Variants in UEVLD observed in about 807,000 individuals in gnomAD.
UEVLD encodes the protein ubiquitin-conjugating enzyme E2 variant 3.
UEVLD carries 47 observed loss-of-function variants against 58.6 expected under a neutral mutation model. The observed-to-expected ratio is 0.80, with a 90% CI of 0.63 to 1.02. UEVLD has a LOEUF of 1.02. UEVLD is among the 50% of genes least tolerant of loss of function. The pLI is 0.00. For synonymous variants in UEVLD, 197 were observed against 195.3 expected, an observed-to-expected ratio of 1.01 and a Z score of -0.07; for missense variants, 510 against 550.6, an observed-to-expected ratio of 0.93 and a Z score of 0.74.
intron 1 of UEVLD, among the ~76,000 whole-genome samples, chr11:18,585,055 ATTTTC>A (rs1853469885): frequency 6.6e-6 from 1 of 151,490 alleles, no homozygotes; most frequent in African/African-American, 2.4e-5. Flanking sequence ...ACTTTCTTTA[ATTTTC>A]TTTTTAAAAA....
intron 6 of UEVLD, among the ~76,000 whole-genome samples, chr11:18,560,137 A>AC (rs1851963304): frequency 2.5e-5 from 2 of 80,240 alleles, no homozygotes; most frequent in South Asian, 4.6e-4. Flanking sequence ...ACACACACAC[A>AC]CAGAGAGAGA....
intron 7 of UEVLD, among the ~76,000 whole-genome samples, chr11:18,552,926 C>T (rs533722981): frequency 1.1e-4 from 16 of 151,862 alleles, no homozygotes; most frequent in Non-Finnish European, 5.9e-5. Context: ...GAGGCCAAGG[C>T]GGGTGGATCA....
rs1850592096 is a variant in UEVLD at position 18,532,310 on chromosome 11, C to A, written c.*10G>T. The stretch of plus-strand genomic sequence containing the variant: ...GGTAGAAGTCCAGCCTCTCAAATTG[C>A]ATTTGAGAATCAAAGTTTTAACTGT... On this transcript the variant is annotated 3_prime_UTR_variant, in exon 12 of 12. Coordinates refer to ENST00000396197, the MANE Select transcript of UEVLD (RefSeq NM_001040697.4). 1 of 1,589,542 alleles carries A rather than the reference C, an allele frequency of 6.3e-7. No homozygotes were observed. The highest frequency in any genetic ancestry group is 1.2e-5 in the South Asian group (1 of 86,694).
intron 1 of UEVLD, among the ~76,000 whole-genome samples, chr11:18,583,538 G>A (rs1040065638): frequency 2.6e-5 from 4 of 151,940 alleles, no homozygotes; most frequent in African/African-American, 9.7e-5. Flanking sequence ...GATATTTCAA[G>A]AGTATTCTTA....
rs867172445 is a variant in UEVLD, at chr11:18,564,024, A to G, written c.612+868T>C. On this transcript the variant is annotated intron_variant, in intron 6 of 11. Transcript: ENST00000396197. ...CACCTAAAAAAAAAAAAAAAAAAAA[A>G]GAGGTGATAGTGTATTCAAATGGAG... 2,770 of 323,688 alleles carry G rather than the reference A, an allele frequency of 8.6e-3. 69 individuals carry two copies. Among genetic ancestry groups the G allele is most frequent in the African/African-American group, 0.056 (2,532 of 44,982 alleles). The allele number at this position is 323,688 out of a possible 1,614,324, so 20.1% of individuals were successfully genotyped here.
Position 18,547,015 on chromosome 11 carries a change from A to G in UEVLD, c.751T>C (p.Phe251Leu), listed in dbSNP as rs1413701982. The G allele has an allele frequency of 3.1e-6, 5 of 1,613,886 alleles. No homozygotes were observed. The highest frequency in any genetic ancestry group is 4.2e-6 in the Non-Finnish European group (5 of 1,180,008). The change falls in exon 8 of 12, where the codon TTC becomes CTC. Residue 251 changes from phenylalanine (F) to leucine (L), a missense_variant. Transcript: ENST00000396197. ...GAACTACCCAAAGAGTTGACTGTGAAGATCACCACCTTGGAATGAGCAGAG... is the reference window on the plus strand; with the variant it reads ...GAACTACCCAAAGAGTTGACTGTGAGGATCACCACCTTGGAATGAGCAGAG... ...SASAHSKVVIFTVNSLGSSQS... is the reference protein window; with the variant it reads ...SASAHSKVVILTVNSLGSSQS...
At chr11:18,577,648 T>A (rs1259160073) in intron 2 of UEVLD, among the ~76,000 whole-genome samples, 1 of 152,130 alleles carries the variant, frequency 6.6e-6, no homozygotes, top group Non-Finnish European at 1.5e-5. Flanking sequence ...GGTGGATGTA[T>A]CAATTGAGGT....
At chr11:18,579,118 C>T (rs1356416043) in intron 1 of UEVLD, among the ~76,000 whole-genome samples, 2 of 152,116 alleles carry the variant, frequency 1.3e-5, no homozygotes, top group Admixed American at 1.3e-4. Context: ...CTGCCTGCCT[C>T]GGCCTCCCAA....
At chr11:18,585,642 AT>A (rs112928334) in intron 1 of UEVLD, among the ~76,000 whole-genome samples, 27,222 of 145,306 alleles carry the variant, frequency 0.19, 2,797 homozygotes, top group East Asian at 0.41. Flanking sequence ...TATTATTATT[AT>A]TTTTTTTTTT....
intron 7 of UEVLD, among the ~76,000 whole-genome samples, chr11:18,548,019 A>G (rs1052027753): frequency 2.0e-5 from 3 of 152,128 alleles, no homozygotes; most frequent in Non-Finnish European, 4.4e-5. Context: ...CCTCCTGAGA[A>G]GCTGAGACTT....
chr11:18,570,123 G>A, intron 4 of UEVLD, 91 bp downstream of exon 4: 1 of 1,270,064 alleles, frequency 7.9e-7, no homozygotes, highest in African/African-American at 1.5e-5. Flanking sequence ...GAAAGAAAAT[G>A]CAGTATCATA....
chr11:18,558,994 C>A (rs1851883179), intron 6 of UEVLD, among the ~76,000 whole-genome samples: 1 of 151,238 alleles, frequency 6.6e-6, no homozygotes, highest in Non-Finnish European at 1.5e-5. Flanking sequence ...CCTGCCTCAG[C>A]CTCCCAAATA....
intron 6 of UEVLD, 113 bp from the exon 7 acceptor site, chr11:18,558,443 T>C (rs1314532134): frequency 1.8e-6 from 1 of 544,410 alleles, no homozygotes; most frequent in Non-Finnish European, 3.1e-6. Context: ...TGTCTTTTAG[T>C]GTTAAGAAGA....
At position 18,542,018 on chromosome 11, in the gene UEVLD, A is replaced by G. The variant is rs146982080; in HGVS notation, c.1060+2605T>C. ...GCTATCTCCCTAACTATAATTGGGAAGAAAGATTAGGGTTATATTTTGGGG... is the reference window on the plus strand; with the variant it reads ...GCTATCTCCCTAACTATAATTGGGAGGAAAGATTAGGGTTATATTTTGGGG... On this transcript the variant is annotated intron_variant, in intron 9 of 11. Transcript: ENST00000396197. 9.4e-3 allele frequency among the ~76,000 whole-genome samples: 1,430 copies of G among 152,298 alleles called. 12 individuals carry two copies. The highest frequency in any genetic ancestry group is 0.015 in the Non-Finnish European group (1,027 of 68,024).
At position 18,532,253 on chromosome 11, in the gene UEVLD, A is replaced by G. The variant is rs1590298922; in HGVS notation, c.*67T>C. On this transcript the variant is annotated 3_prime_UTR_variant, in exon 12 of 12. Transcript: ENST00000396197. ...AGGATACAGAAATCCTCAAACCTAT[A>G]TATAGGTAAAATTAAATGACTTTTC... The G allele has an allele frequency of 1.4e-6, 2 of 1,466,044 alleles. No individual in the cohort carries two copies. Among genetic ancestry groups the G allele is most frequent in the East Asian group, 4.7e-5 (2 of 42,418 alleles). The allele number at this position is 1,466,044 out of a possible 1,614,324, so 90.8% of individuals were successfully genotyped here.
intron 1 of UEVLD, 92 bp downstream of exon 1, chr11:18,588,520 CG>C (rs1258405704): frequency 6.7e-7 from 1 of 1,481,732 alleles, no homozygotes. Flanking sequence ...CACTACAAGC[CG>C]GGAAACGCAA....
At chr11:18,569,736 T>A (rs1173081784) in intron 4 of UEVLD, among the ~76,000 whole-genome samples, 1 of 152,130 alleles carries the variant, frequency 6.6e-6, no homozygotes, top group Non-Finnish European at 1.5e-5. Flanking sequence ...ATAAAACAAA[T>A]ACTACAGTTA....
At chr11:18,541,685 A>G (rs888993073) in intron 9 of UEVLD, among the ~76,000 whole-genome samples, 54 of 152,274 alleles carry the variant, frequency 3.5e-4, no homozygotes, top group Non-Finnish European at 7.3e-5. Context: ...AAAGGAGTGA[A>G]GAAATCACTG....
At chr11:18,534,513 AT>A in intron 10 of UEVLD, 60 bp from the exon 11 acceptor site, 3 of 1,513,570 alleles carry the variant, frequency 2.0e-6, no homozygotes, top group South Asian at 2.7e-5. Context: ...TTAGTTTTAC[AT>A]TCTGGCTAAG....
Sources: allele counts gnomAD v4.1 joint callset (sites outside exome capture counted in the v4.1 genomes callset), GRCh38; gene constraint gnomAD v4.1.1; transcripts MANE v1.5; gene names NCBI Gene and HGNC (gene_info 2026-07-23, HGNC 2026-07-21).